Variants in CHN1 observed in about 807,000 individuals in gnomAD.
CHN1 encodes chimerin 1.
A neutral mutation model predicts 59.5 loss-of-function variants in CHN1; 37 were observed. The observed-to-expected ratio is 0.62, with a 90% CI of 0.48 to 0.82. The LOEUF is 0.82. Ranked by LOEUF, CHN1 falls within the 40% of genes least tolerant of loss-of-function variation. CHN1 has a pLI of 0.00. For synonymous variants in CHN1, 206 were observed against 200.4 expected (o/e 1.03, Z -0.24); for missense variants, 469 against 571.0 (o/e 0.82, Z 1.82).
At chr2:174,972,050 CAAT>C (rs1277199085) in intron 1 of CHN1, among the ~76,000 whole-genome samples, 2 of 152,138 alleles carry the variant, frequency 1.3e-5, no homozygotes, top group African/African-American at 2.4e-5. Flanking sequence ...AAACAATGAA[CAAT>C]AATAACCCTG....
In CHN1 at chr2:174,900,792, C is replaced by T. The variant is rs182066356; in HGVS notation, c.260+14266G>A. ...TGCACCCCAGCCTGGGCAAAAAGAGCGAAACTCCATCTCAAAAAAAAAAAA... is the reference window on the plus strand; with the variant it reads ...TGCACCCCAGCCTGGGCAAAAAGAGTGAAACTCCATCTCAAAAAAAAAAAA... On this transcript the variant is annotated intron_variant, in intron 5 of 12. Transcript: ENST00000409900. Among the ~76,000 whole-genome samples the T allele has an allele frequency of 4.6e-3, 683 of 149,108 alleles. 7 individuals are homozygous for T. The highest frequency in any genetic ancestry group is 0.016 in the African/African-American group (640 of 40,464).
At chr2:174,986,810 C>CA (rs1691360486) in intron 1 of CHN1, among the ~76,000 whole-genome samples, 1 of 152,246 alleles carries the variant, frequency 6.6e-6, no homozygotes, top group African/African-American at 2.4e-5. Context: ...GATCTGGGCT[C>CA]AGTGCAACCT....
chr2:174,867,026 A>G (rs1041139315), intron 6 of CHN1, among the ~76,000 whole-genome samples: 2 of 151,806 alleles, frequency 1.3e-5, no homozygotes, highest in African/African-American at 2.4e-5. Context: ...CTAAACTTAC[A>G]AAGACTGTTA....
At chr2:174,980,749 CA>C (rs1379237576) in intron 1 of CHN1, among the ~76,000 whole-genome samples, 4 of 151,548 alleles carry the variant, frequency 2.6e-5, no homozygotes, top group Non-Finnish European at 5.9e-5. Flanking sequence ...TAGATTGTTG[CA>C]AACTTGCAAA....
chr2:174,913,104 T>C (rs1323492958), intron 5 of CHN1, among the ~76,000 whole-genome samples: 1 of 152,316 alleles, frequency 6.6e-6, no homozygotes, highest in Non-Finnish European at 1.5e-5. Flanking sequence ...AAGTATTTGC[T>C]GGTATCAGCT....
At chr2:174,913,665 G>A (rs1402221433) in intron 5 of CHN1, among the ~76,000 whole-genome samples, 2 of 152,066 alleles carry the variant, frequency 1.3e-5, no homozygotes, top group Non-Finnish European at 2.9e-5. Flanking sequence ...TATTCTCCAA[G>A]TATTCAATTA....
At chr2:174,891,501 G>A (rs1688049101) in intron 5 of CHN1, among the ~76,000 whole-genome samples, 1 of 150,830 alleles carries the variant, frequency 6.6e-6, no homozygotes. Context: ...CCCGGGAGGT[G>A]GAAGTTGCAG....
At chr2:174,960,161 T>G (rs1690352240) in intron 1 of CHN1, among the ~76,000 whole-genome samples, 2 of 152,238 alleles carry the variant, frequency 1.3e-5, no homozygotes, top group Non-Finnish European at 2.9e-5. Flanking sequence ...TAACAGGTCA[T>G]GCCAGTTCCT....
chr2:175,003,694 T>G (rs1231249242), intron 1 of CHN1, among the ~76,000 whole-genome samples: 1 of 152,206 alleles, frequency 6.6e-6, no homozygotes, highest in Non-Finnish European at 1.5e-5. Flanking sequence ...TGGAGGATCA[T>G]CACCAAGTAA....
At chr2:174,807,446 CTGTGTGTGTGTGTGTGTG>C (rs71031071) in intron 11 of CHN1, among the ~76,000 whole-genome samples, 3,673 of 83,834 alleles carry the variant, frequency 0.044, 209 homozygotes, top group African/African-American at 0.13. Context: ...CACGGGCTAT[CTGTGTGTGTGTGTGTGTG>C]TGTGTGTGTG....
intron 2 of CHN1, among the ~76,000 whole-genome samples, chr2:174,948,650 T>C (rs1000783504): frequency 1.1e-4 from 16 of 152,148 alleles, no homozygotes; most frequent in African/African-American, 3.9e-4. Flanking sequence ...ATGCCAAAGA[T>C]AGAAAAACAA....
chr2:174,886,227 C>T (rs1245712546), intron 5 of CHN1, among the ~76,000 whole-genome samples: 1 of 152,164 alleles, frequency 6.6e-6, no homozygotes, highest in South Asian at 2.1e-4. Context: ...TTAAACAATA[C>T]AATGCTTTTA....
At chr2:174,995,929 T>C (rs974474747) in intron 1 of CHN1, among the ~76,000 whole-genome samples, 3 of 152,240 alleles carry the variant, frequency 2.0e-5, no homozygotes, top group Admixed American at 6.5e-5. Context: ...AGAGTAGCAA[T>C]GCTGGCATAC....
chr2:174,948,727 T>C (rs1689924404), intron 2 of CHN1, among the ~76,000 whole-genome samples: 1 of 152,216 alleles, frequency 6.6e-6, no homozygotes, highest in South Asian at 2.1e-4. Context: ...ATAGATCTAT[T>C]ACAGAAGTGA....
rs111870454 is a variant in CHN1 at position 174,926,858 on chromosome 2, C to T, written c.115-8293G>A. On this transcript the variant is annotated intron_variant, in intron 3 of 12. Transcript: ENST00000409900. Reference sequence around the variant, plus strand: ...CTGCAAGCTCCGCCTCCCAGGTTCACGCCATTCTCCTGCCTCAGCCTCCCG... The same window carrying T: ...CTGCAAGCTCCGCCTCCCAGGTTCATGCCATTCTCCTGCCTCAGCCTCCCG... Among the ~76,000 whole-genome samples, 7 of 151,796 alleles carry T rather than the reference C, an allele frequency of 4.6e-5. No homozygotes were observed. In the South Asian group the frequency reaches 8.4e-4, roughly 18 times the overall value.
chr2:174,986,397 G>A (rs1014320729), intron 1 of CHN1, among the ~76,000 whole-genome samples: 6 of 152,196 alleles, frequency 3.9e-5, no homozygotes, highest in African/African-American at 1.4e-4. Context: ...TCCACCATAT[G>A]TGTATGCCTA....
At chr2:174,882,739 C>T (rs3771910) in intron 5 of CHN1, among the ~76,000 whole-genome samples, 45,707 of 151,930 alleles carry the variant, frequency 0.3, 8,302 homozygotes, top group South Asian at 0.47. Context: ...CTGTTGTTTA[C>T]CAGAGTCAAA....
At chr2:174,922,938 AT>A (rs1172272123) in intron 3 of CHN1, among the ~76,000 whole-genome samples, 1 of 152,192 alleles carries the variant, frequency 6.6e-6, no homozygotes, top group Non-Finnish European at 1.5e-5. Flanking sequence ...CGTAATATGT[AT>A]TTATGGCATA....
At chr2:174,914,558 C>A (rs760157387) in intron 5 of CHN1, among the ~76,000 whole-genome samples, 8 of 152,056 alleles carry the variant, frequency 5.3e-5, no homozygotes, top group Non-Finnish European at 7.4e-5. Context: ...GCTTTAAAAG[C>A]TTTTCAGGCC....
Sources: gnomAD v4.1 joint callset for allele counts (sites outside exome capture counted in the v4.1 genomes callset) on GRCh38, gnomAD v4.1.1 for gene constraint, MANE v1.5 for transcripts, NCBI Gene and HGNC (gene_info 2026-07-23, HGNC 2026-07-21) for gene names.